DLG2: variants seen among roughly 807,000 people sequenced by gnomAD.
DLG2 encodes discs large MAGUK scaffold protein 2.
Under a neutral mutation model 132.5 loss-of-function variants are expected in DLG2, and 45 were observed. The ratio of observed to expected loss-of-function variants is 0.34; its 90% CI spans 0.27 to 0.44. DLG2 has a LOEUF of 0.44. DLG2 is among the 20% of genes least tolerant of loss of function. The pLI, the probability that DLG2 is intolerant of heterozygous loss-of-function variation, is 1.00. For synonymous variants in DLG2, 424 were observed against 419.6 expected, an observed-to-expected ratio of 1.01 and a Z score of -0.13; for missense variants, 1,045 against 1,196.9, an observed-to-expected ratio of 0.87 and a Z score of 1.87.
chr11:84,381,579 T>C (rs1185102907), intron 7 of DLG2, among the ~76,000 whole-genome samples: 3 of 152,198 alleles, frequency 2.0e-5, no homozygotes, highest in African/African-American at 7.2e-5. Context: ...AGTTCATTAA[T>C]ATGAAGACAA....
intron 8 of DLG2, among the ~76,000 whole-genome samples, chr11:84,179,426 A>T (rs949069557): frequency 6.6e-6 from 1 of 152,112 alleles, no homozygotes; most frequent in Non-Finnish European, 1.5e-5. Flanking sequence ...GCAAAAACCA[A>T]TGGGCAGATA....
chr11:84,968,969 C>CT (rs1409962436), intron 6 of DLG2, among the ~76,000 whole-genome samples: 1 of 151,822 alleles, frequency 6.6e-6, no homozygotes, highest in African/African-American at 2.4e-5. Flanking sequence ...GAGCAAGACT[C>CT]TAACGTGTGT....
At chr11:84,958,126 G>C (rs1295819295) in intron 6 of DLG2, among the ~76,000 whole-genome samples, 1 of 152,138 alleles carries the variant, frequency 6.6e-6, no homozygotes, top group Admixed American at 6.5e-5. Context: ...CACCCAATAT[G>C]TTAGTAGTTA....
intron 17 of DLG2, among the ~76,000 whole-genome samples, chr11:83,825,169 ATATTTTTTTT>A (rs1279830675): frequency 3.3e-5 from 3 of 91,204 alleles, no homozygotes; most frequent in African/African-American, 1.5e-4. Flanking sequence ...ATATATATAT[ATATTTTTTTT>A]TTTTTTTTTT....
chr11:84,999,585 C>T (rs1054875982), intron 6 of DLG2, among the ~76,000 whole-genome samples: 8 of 151,928 alleles, frequency 5.3e-5, no homozygotes, highest in Non-Finnish European at 8.8e-5. Context: ...AAAATATTTC[C>T]GTTAATAAGG....
At chr11:83,803,645 C>G (rs1455633041) in intron 17 of DLG2, among the ~76,000 whole-genome samples, 1 of 152,086 alleles carries the variant, frequency 6.6e-6, no homozygotes, top group African/African-American at 2.4e-5. Flanking sequence ...CTATAATATT[C>G]ACTAATTTGG....
intron 19 of DLG2, among the ~76,000 whole-genome samples, chr11:83,605,969 T>C (rs2059278596): frequency 6.6e-6 from 1 of 152,238 alleles, no homozygotes; most frequent in Admixed American, 6.5e-5. Context: ...TGACTTGAGA[T>C]ACTAGGAGAA....
chr11:83,668,768 TAA>T (rs1208046853), intron 18 of DLG2, among the ~76,000 whole-genome samples: 20 of 134,978 alleles, frequency 1.5e-4, no homozygotes, highest in African/African-American at 4.5e-4. Flanking sequence ...TATGTGTATA[TAA>T]ACACACATAT....
intron 8 of DLG2, among the ~76,000 whole-genome samples, chr11:84,219,780 C>A (rs2096888922): frequency 6.6e-6 from 1 of 152,184 alleles, no homozygotes; most frequent in African/African-American, 2.4e-5. Flanking sequence ...CTTTGTGCCC[C>A]TTAAGACCTG....
At position 83,962,904 on chromosome 11, in the gene DLG2, C is replaced by A. The variant is rs766147568; in HGVS notation, c.1321G>T (p.Val441Phe). 5.0e-6 allele frequency: 8 copies of A among 1,612,924 alleles called. No individual in the cohort carries two copies. Among genetic ancestry groups the A allele is most frequent in the East Asian group, 2.2e-5 (1 of 44,868 alleles). ...RYSPIPKHML[V>F]DDDYTRPPEP... ...TCTGACCTGGTGTAGTCGTCGTCAA[C>A]AAGCATGTGCTTTGGAATTGGTGAG... Residue 441 changes from valine to phenylalanine, a missense_variant, in exon 14 of 28, where the codon GTT (valine) becomes TTT (phenylalanine). By Grantham distance (50) the Val-to-Phe change is conservative. Coordinates refer to ENST00000376104, the MANE Select transcript of DLG2 (RefSeq NM_001142699.3).
intron 18 of DLG2, among the ~76,000 whole-genome samples, chr11:83,657,351 A>G (rs374850938): frequency 6.6e-6 from 1 of 152,132 alleles, no homozygotes; most frequent in East Asian, 1.9e-4. Context: ...TAGTTGGTAC[A>G]TAGCCTAGGA....
intron 6 of DLG2, among the ~76,000 whole-genome samples, chr11:85,077,764 A>G (rs2066737948): frequency 6.6e-6 from 1 of 152,026 alleles, no homozygotes; most frequent in Non-Finnish European, 1.5e-5. Flanking sequence ...AGAAAAGTCA[A>G]GTTCTTTTTT....
intron 9 of DLG2, among the ~76,000 whole-genome samples, 182 bp downstream of exon 9, chr11:84,163,279 T>G (rs544079119): frequency 6.6e-6 from 1 of 152,290 alleles, no homozygotes; most frequent in South Asian, 2.1e-4. Flanking sequence ...ATTCAGTTAT[T>G]TGGTCTGCTG....
intron 7 of DLG2, among the ~76,000 whole-genome samples, chr11:84,430,414 G>A: frequency 6.7e-6 from 1 of 148,444 alleles, no homozygotes; most frequent in East Asian, 2.0e-4. Flanking sequence ...ACTCCAGCCT[G>A]GCAACAGAGG....
At chr11:84,975,279 C>T (rs971050961) in intron 6 of DLG2, among the ~76,000 whole-genome samples, 1 of 152,148 alleles carries the variant, frequency 6.6e-6, no homozygotes, top group South Asian at 2.1e-4. Flanking sequence ...ATAATATACA[C>T]TTTCAAGATT....
chr11:85,027,610 G>A (rs1292033451), intron 6 of DLG2, among the ~76,000 whole-genome samples: 1 of 152,228 alleles, frequency 6.6e-6, no homozygotes, highest in Non-Finnish European at 1.5e-5. Flanking sequence ...ACTGTGCACA[G>A]CCACGCATGC....
intron 7 of DLG2, among the ~76,000 whole-genome samples, chr11:84,528,955 T>A (rs2099328904): frequency 6.6e-6 from 1 of 152,240 alleles, no homozygotes; most frequent in South Asian, 2.1e-4. Flanking sequence ...GAGAGCCTCA[T>A]GTGCCTCCAT....
At chr11:83,612,142 A>T (rs903899318) in intron 19 of DLG2, among the ~76,000 whole-genome samples, 13 of 152,130 alleles carry the variant, frequency 8.5e-5, no homozygotes, top group Non-Finnish European at 1.8e-4. Flanking sequence ...TCCATCCATT[A>T]TCTGTCCCCA....
At chr11:85,248,632 T>C (rs1168937714) in intron 4 of DLG2, among the ~76,000 whole-genome samples, 1 of 152,020 alleles carries the variant, frequency 6.6e-6, no homozygotes, top group Non-Finnish European at 1.5e-5. Flanking sequence ...CAAAAATTCC[T>C]AGTGAAAATA....
Sources: allele counts gnomAD v4.1 joint callset (sites outside exome capture counted in the v4.1 genomes callset), GRCh38; gene constraint gnomAD v4.1.1; transcripts MANE v1.5; gene names NCBI Gene and HGNC (gene_info 2026-07-23, HGNC 2026-07-21).